Variants in BCAS3 observed in about 807,000 individuals in gnomAD.
BCAS3 encodes BCAS4/BCAS3 fusion.
A neutral mutation model predicts 116.1 loss-of-function variants in BCAS3; 53 were observed. The ratio of observed to expected loss-of-function variants is 0.46; its 90% CI spans 0.37 to 0.57. BCAS3 has a LOEUF of 0.57. BCAS3 is among the 20% of genes least tolerant of loss of function. BCAS3 has a pLI of 0.00. For missense variants in BCAS3, 917 were observed against 1,165.4 expected (o/e 0.79, Z 3.10); for synonymous variants, 391 against 408.2 (o/e 0.96, Z 0.51).
chr17:61,263,598 A>AT, intron 22 of BCAS3, among the ~76,000 whole-genome samples: 1 of 152,184 alleles, frequency 6.6e-6, no homozygotes, highest in Admixed American at 6.5e-5. Flanking sequence ...TTTTCATAGT[A>AT]TTTTTCAAGG....
intron 13 of BCAS3, among the ~76,000 whole-genome samples, chr17:60,941,597 G>A (rs2060228535): frequency 6.6e-6 from 1 of 152,006 alleles, no homozygotes; most frequent in Non-Finnish European, 1.5e-5. Context: ...ACTTACTGGT[G>A]GATTGTAGAA....
intron 15 of BCAS3, among the ~76,000 whole-genome samples, chr17:61,014,684 G>A (rs1229962904): frequency 6.6e-6 from 1 of 151,538 alleles, no homozygotes; most frequent in Non-Finnish European, 1.5e-5. Context: ...TGGAAAGGCA[G>A]AAGTAAAACT....
chr17:60,705,858 T>G (rs975620167), intron 4 of BCAS3, among the ~76,000 whole-genome samples: 1 of 152,162 alleles, frequency 6.6e-6, no homozygotes, highest in African/African-American at 2.4e-5. Context: ...GGATTGGTAC[T>G]GTATAGAAAC....
At chr17:60,936,544 C>G (rs1009055759) in intron 13 of BCAS3, among the ~76,000 whole-genome samples, 5 of 152,078 alleles carry the variant, frequency 3.3e-5, no homozygotes, top group African/African-American at 1.2e-4. Context: ...TTTTAGTGAT[C>G]GTCATTCTAA....
At position 61,156,350 on chromosome 17, in the gene BCAS3, A is replaced by G. The variant is rs1243243708; in HGVS notation, c.2425+71786A>G. Among the ~76,000 whole-genome samples, 1 of 152,020 alleles carries G rather than the reference A, an allele frequency of 6.6e-6. No homozygotes were observed. On this transcript the variant is annotated intron_variant, in intron 22 of 23. Coordinates refer to ENST00000407086, the MANE Select transcript of BCAS3 (RefSeq NM_017679.5). This position sits in a 1 kb window ranked among gnomAD's most constrained non-coding sequence, Gnocchi z 4.7. ...CTTCTCTTTCCCTCTTCATTTTCTG[A>G]GTTCGGGAGAAAGGTGGACTTTTGT...
intron 11 of BCAS3, 107 bp from the exon 12 acceptor site, chr17:60,910,425 G>GT (rs2145096816): frequency 1.1e-6 from 1 of 909,394 alleles, no homozygotes; most frequent in East Asian, 3.0e-5. Context: ...ATAAAAGATT[G>GT]TAAGAGAATA....
chr17:60,947,410 G>C, intron 14 of BCAS3, 58 bp downstream of exon 14: 1 of 1,508,244 alleles, frequency 6.6e-7, no homozygotes, highest in East Asian at 2.3e-5. Flanking sequence ...ATCTACTCTA[G>C]CTGGTCATTT....
Position 61,162,044 on chromosome 17 carries a change from C to T in BCAS3, c.2425+77480C>T, listed in dbSNP as rs1255441947. Among the ~76,000 whole-genome samples, 3 of 152,128 alleles carry T rather than the reference C, an allele frequency of 2.0e-5. No homozygotes were observed. Among genetic ancestry groups the T allele is most frequent in the Non-Finnish European group, 4.4e-5 (3 of 68,030 alleles). ...TGTAGAGCTGATTTATATTTATAGG[C>T]TGGTTGTAGATTTGGTTGATAGAAT... is the stretch of plus-strand genomic sequence containing the variant. On this transcript the variant is annotated intron_variant, in intron 22 of 23. Transcript: ENST00000407086. This position sits in a 1 kb window ranked among gnomAD's most constrained non-coding sequence, Gnocchi z 5.6.
At chr17:60,923,333 G>T (rs1238732841) in intron 12 of BCAS3, among the ~76,000 whole-genome samples, 1 of 152,172 alleles carries the variant, frequency 6.6e-6, no homozygotes, top group Non-Finnish European at 1.5e-5. Context: ...TGGTGTGCAA[G>T]TTGTATCTTT....
rs1163601857 is a variant in BCAS3, at chr17:61,285,452, A to G, written c.2426-82875A>G. 6.6e-6 allele frequency among the ~76,000 whole-genome samples: 1 copy of G among 152,144 alleles called. No homozygotes were observed. On this transcript the variant is annotated intron_variant, in intron 22 of 23. Transcript: ENST00000407086. The surrounding 1 kb of genome is among the most constrained non-coding windows in gnomAD (Gnocchi z 5.4). ...CTGGCCCTAAAGTGAAAAGCTCTACATGCTTGGTTTGGTTTATCCATAGGA... is the reference window on the plus strand; with the variant it reads ...CTGGCCCTAAAGTGAAAAGCTCTACGTGCTTGGTTTGGTTTATCCATAGGA...
At position 61,098,154 on chromosome 17, in the gene BCAS3, G is replaced by T. The variant is rs558434673; in HGVS notation, c.2425+13590G>T. On this transcript the variant is annotated intron_variant, in intron 22 of 23. Coordinates refer to ENST00000407086, the MANE Select transcript of BCAS3 (RefSeq NM_017679.5). This position sits in a 1 kb window ranked among gnomAD's most constrained non-coding sequence, Gnocchi z 4.2. Reference sequence around the variant, plus strand: ...TAAATGGTGCTGGAGGGTCCTTCTTGCATAGAGAGGTAATCAATATGGTCT... The same window carrying T: ...TAAATGGTGCTGGAGGGTCCTTCTTTCATAGAGAGGTAATCAATATGGTCT... Among the ~76,000 whole-genome samples, 21 of 152,312 alleles carry T rather than the reference G, an allele frequency of 1.4e-4. No individual in the cohort carries two copies. Among genetic ancestry groups the T allele is most frequent in the African/African-American group, 4.3e-4 (18 of 41,590 alleles).
At chr17:60,714,203 G>T (rs2144042095) in intron 5 of BCAS3, among the ~76,000 whole-genome samples, 1 of 152,212 alleles carries the variant, frequency 6.6e-6, no homozygotes, top group Middle Eastern at 3.4e-3. Flanking sequence ...CCTGGCCTCA[G>T]GCAGTCCTCC....
At chr17:60,891,257 T>C (rs1465147237) in intron 10 of BCAS3, among the ~76,000 whole-genome samples, 1 of 152,218 alleles carries the variant, frequency 6.6e-6, no homozygotes. Flanking sequence ...TATTCTCACA[T>C]ATGGGGAACT....
intron 5 of BCAS3, among the ~76,000 whole-genome samples, chr17:60,719,640 T>C (rs1455171858): frequency 6.6e-6 from 1 of 152,248 alleles, no homozygotes; most frequent in African/African-American, 2.4e-5. Context: ...GTTGAACTTA[T>C]TCTTTCAGCC....
intron 14 of BCAS3, among the ~76,000 whole-genome samples, chr17:60,948,426 CAT>C (rs1265365930): frequency 6.6e-6 from 1 of 151,934 alleles, no homozygotes; most frequent in Non-Finnish European, 1.5e-5. Context: ...GCCTGGCCCA[CAT>C]ATATTTAATA....
chr17:60,780,060 G>A (rs2045663716), intron 6 of BCAS3, among the ~76,000 whole-genome samples: 1 of 151,558 alleles, frequency 6.6e-6, no homozygotes, highest in Non-Finnish European at 1.5e-5. Context: ...CGCCATCTCG[G>A]CTCACTGCAA....
chr17:61,228,442 G>C lies in BCAS3; in HGVS notation c.2426-139885G>C, dbSNP rs904762034. On this transcript the variant is annotated intron_variant, in intron 22 of 23. Transcript: ENST00000407086. This position sits in a 1 kb window ranked among gnomAD's most constrained non-coding sequence, Gnocchi z 5.0. ...CACCTCATTTTACTGCATTTTGCTT[G>C]ATTGTGCTTCACAGATGATATTGCA... Among the ~76,000 whole-genome samples, 1 of 152,190 alleles carries C rather than the reference G, an allele frequency of 6.6e-6. No homozygotes were observed. Among genetic ancestry groups the C allele is most frequent in the African/African-American group, 2.4e-5 (1 of 41,464 alleles).
intron 22 of BCAS3, among the ~76,000 whole-genome samples, chr17:61,252,257 G>A (rs766530156): frequency 9.2e-5 from 14 of 152,174 alleles, no homozygotes; most frequent in Non-Finnish European, 1.8e-4. Flanking sequence ...TTTTAAGAGC[G>A]CTTGTAAAGG....
chr17:61,336,490 A>G (rs954080501), intron 22 of BCAS3, among the ~76,000 whole-genome samples: 21 of 152,044 alleles, frequency 1.4e-4, no homozygotes, highest in African/African-American at 4.8e-4. Context: ...GGGTCTTTCT[A>G]GAAACCTTAC....
Sources: allele counts gnomAD v4.1 joint callset (sites outside exome capture counted in the v4.1 genomes callset), GRCh38; gene constraint gnomAD v4.1.1; non-coding constraint Gnocchi (gnomAD v3.1); transcripts MANE v1.5; gene names NCBI Gene and HGNC (gene_info 2026-07-23, HGNC 2026-07-21).